THEMIS: variants seen among roughly 807,000 people sequenced by gnomAD.
THEMIS encodes the protein protein THEMIS.
THEMIS carries 37 observed loss-of-function variants against 52.6 expected under a neutral mutation model. The ratio of observed to expected loss-of-function variants is 0.70; its 90% CI spans 0.54 to 0.93. The LOEUF (loss-of-function observed/expected upper bound fraction) is 0.93. Among genes scored for constraint, THEMIS ranks in the 40% least tolerant of loss-of-function variants. THEMIS has a pLI of 0.00. For missense variants in THEMIS, 808 were observed against 763.1 expected (o/e 1.06, Z -0.69); for synonymous variants, 292 against 272.7 (o/e 1.07, Z -0.70).
At chr6:127,763,953 C>T (rs769598719) in intron 4 of THEMIS, among the ~76,000 whole-genome samples, 3 of 151,588 alleles carry the variant, frequency 2.0e-5, no homozygotes, top group South Asian at 2.1e-4. Flanking sequence ...ATATTACTAT[C>T]GAAGAGATCA....
intron 4 of THEMIS, among the ~76,000 whole-genome samples, chr6:127,791,926 C>T (rs371197280): frequency 3.1e-4 from 47 of 152,308 alleles, no homozygotes; most frequent in East Asian, 2.5e-3. Context: ...GGTCAGGCAG[C>T]GAGAGCAGGC....
At chr6:127,846,049 CA>C (rs1779202882) in intron 2 of THEMIS, among the ~76,000 whole-genome samples, 1 of 151,922 alleles carries the variant, frequency 6.6e-6, no homozygotes, top group Non-Finnish European at 1.5e-5. Flanking sequence ...AAATGAACAA[CA>C]GAGCCCTTCA....
chr6:127,770,136 C>T (rs1776334022), intron 4 of THEMIS, among the ~76,000 whole-genome samples: 1 of 152,062 alleles, frequency 6.6e-6, no homozygotes, highest in African/African-American at 2.4e-5. Context: ...GGGTATATAC[C>T]CAGTAATGGG....
At chr6:127,870,345 T>C (rs1300422490) in intron 1 of THEMIS, among the ~76,000 whole-genome samples, 3 of 152,148 alleles carry the variant, frequency 2.0e-5, no homozygotes, top group African/African-American at 4.8e-5. Context: ...CCTCACTTCC[T>C]AAAGTGTCAC....
chr6:127,707,244 A>C (rs146093525), downstream of THEMIS, among the ~76,000 whole-genome samples: 24 of 152,238 alleles, frequency 1.6e-4, no homozygotes, highest in East Asian at 4.5e-3. Context: ...CGAGATTTAG[A>C]TGGGGACACA....
intron 4 of THEMIS, among the ~76,000 whole-genome samples, chr6:127,756,052 C>A (rs1294889447): frequency 2.0e-5 from 3 of 151,296 alleles, no homozygotes; most frequent in South Asian, 2.1e-4. Flanking sequence ...AAACAAAAAA[C>A]AAAACAAAAC....
chr6:127,839,557 T>A (rs1011860301), intron 2 of THEMIS, among the ~76,000 whole-genome samples: 3 of 152,020 alleles, frequency 2.0e-5, no homozygotes, highest in Non-Finnish European at 4.4e-5. Flanking sequence ...GGCTGGAGTG[T>A]AGTGGTGGAG....
chr6:127,761,539 A>G (rs981883988), intron 4 of THEMIS, among the ~76,000 whole-genome samples: 6 of 152,136 alleles, frequency 3.9e-5, no homozygotes, highest in Non-Finnish European at 7.4e-5. Flanking sequence ...TTTAAACTGC[A>G]TATCTTCCAT....
chr6:127,909,470 A>G (rs111968454), intron 1 of THEMIS, among the ~76,000 whole-genome samples: 2,667 of 152,172 alleles, frequency 0.018, 85 homozygotes, highest in African/African-American at 0.06. Flanking sequence ...TCTCCTTCAT[A>G]CTGCCATGTG....
intron 4 of THEMIS, among the ~76,000 whole-genome samples, chr6:127,744,263 T>C (rs572808796): frequency 4.6e-5 from 7 of 152,160 alleles, no homozygotes; most frequent in African/African-American, 1.7e-4. Flanking sequence ...TCTCTGTCAA[T>C]TCCTCAGCCT....
intron 1 of THEMIS, among the ~76,000 whole-genome samples, chr6:127,900,023 T>A (rs1781090872): frequency 6.6e-6 from 1 of 151,340 alleles, no homozygotes; most frequent in Non-Finnish European, 1.5e-5. Context: ...AAGACCTGCC[T>A]ACCAACAGTT....
At chr6:127,849,102 A>G (rs929699231) in intron 2 of THEMIS, among the ~76,000 whole-genome samples, 3 of 152,030 alleles carry the variant, frequency 2.0e-5, no homozygotes, top group East Asian at 1.9e-4. Flanking sequence ...TAATTTTTGT[A>G]TAAGGTGTAA....
At chr6:127,879,905 C>G (rs1780428207) in intron 1 of THEMIS, among the ~76,000 whole-genome samples, 1 of 152,030 alleles carries the variant, frequency 6.6e-6, no homozygotes, top group African/African-American at 2.4e-5. Flanking sequence ...GCCCCCACCT[C>G]GGGCACCTGA....
intron 5 of THEMIS, among the ~76,000 whole-genome samples, chr6:127,719,378 T>A (rs1354028446): frequency 1.3e-5 from 2 of 151,992 alleles, no homozygotes; most frequent in African/African-American, 4.8e-5. Context: ...TTCTTCTTGT[T>A]CATTGTTCCA....
chr6:127,730,301 G>GAGAAA (rs1774729378), intron 4 of THEMIS, among the ~76,000 whole-genome samples: 1 of 128,940 alleles, frequency 7.8e-6, no homozygotes, highest in South Asian at 2.5e-4. Context: ...GAAAAGAAAA[G>GAGAAA]AAAAGAAAAG....
intron 2 of THEMIS, among the ~76,000 whole-genome samples, chr6:127,841,863 C>T (rs1247301639): frequency 1.3e-5 from 2 of 152,014 alleles, no homozygotes; most frequent in Middle Eastern, 3.2e-3. Flanking sequence ...AAGGTAGACA[C>T]AGCTGAGTTT....
chr6:127,750,702 C>CA (rs1001360940), intron 4 of THEMIS, among the ~76,000 whole-genome samples: 68 of 151,748 alleles, frequency 4.5e-4, no homozygotes, highest in African/African-American at 1.6e-3. Flanking sequence ...GTTTTGAGAA[C>CA]ATTAAAGTAG....
chr6:127,835,034 T>G (rs984270925), intron 2 of THEMIS, among the ~76,000 whole-genome samples: 1 of 152,124 alleles, frequency 6.6e-6, no homozygotes, highest in African/African-American at 2.4e-5. Context: ...TTTCATAACC[T>G]TGATGGCAAC....
intron 2 of THEMIS, among the ~76,000 whole-genome samples, chr6:127,847,847 C>T (rs776825678): frequency 6.6e-6 from 1 of 150,874 alleles, no homozygotes; most frequent in East Asian, 2.0e-4. Flanking sequence ...GCAATACTAA[C>T]CAAAAAGAAC....
Sources: allele counts gnomAD v4.1 joint callset (sites outside exome capture counted in the v4.1 genomes callset), GRCh38; gene constraint gnomAD v4.1.1; transcripts MANE v1.5; gene names NCBI Gene and HGNC (gene_info 2026-07-23, HGNC 2026-07-21).